The following TRHDE variants were observed in gnomAD, a reference collection of about 807,000 sequenced individuals.
The protein encoded by TRHDE is thyrotropin-releasing hormone-degrading ectoenzyme.
Under a neutral mutation model 125.7 loss-of-function variants are expected in TRHDE, and 72 were observed. The observed-to-expected ratio is 0.57, with a 90% CI of 0.47 to 0.70. TRHDE has a LOEUF of 0.70. Ranked by LOEUF, TRHDE falls within the 30% of genes least tolerant of loss-of-function variation. TRHDE has a pLI of 0.00. For synonymous variants in TRHDE, 509 were observed against 509.1 expected (o/e 1.00, Z 0.00); for missense variants, 1,110 against 1,327.1 (o/e 0.84, Z 2.54).
At chr12:72,168,614 C>T (rs1288254064) in intron 2 of TRHDE, among the ~76,000 whole-genome samples, 2 of 152,196 alleles carry the variant, frequency 1.3e-5, no homozygotes, top group East Asian at 1.9e-4. Flanking sequence ...TAGATTTCTA[C>T]ATTGGATCCT....
At chr12:72,457,946 G>A (rs559135813) in intron 3 of TRHDE, among the ~76,000 whole-genome samples, 3 of 152,260 alleles carry the variant, frequency 2.0e-5, no homozygotes, top group African/African-American at 7.2e-5. Context: ...ATTAAAGAGT[G>A]TCAAAGAGCT....
At chr12:72,412,062 GTCTT>G (rs1873535697) in intron 3 of TRHDE, among the ~76,000 whole-genome samples, 1 of 152,090 alleles carries the variant, frequency 6.6e-6, no homozygotes, top group South Asian at 2.1e-4. Context: ...AGGTAGGAAA[GTCTT>G]TCTTATACAA....
rs561545741 is a variant in TRHDE at position 72,355,918 on chromosome 12, T to G, written c.1189-22077T>G. 7.9e-5 allele frequency among the ~76,000 whole-genome samples: 12 copies of G among 151,900 alleles called. No homozygotes were observed. In the East Asian group the frequency reaches 2.3e-3, roughly 29 times the overall value. On this transcript the variant is annotated intron_variant, in intron 2 of 18. Transcript: ENST00000261180. Reference sequence around the variant, plus strand: ...AGAAAATAACAGATGCTGGTGAAGTTGCAGAGAAAAGGGAATGCTTATACA... The same window carrying G: ...AGAAAATAACAGATGCTGGTGAAGTGGCAGAGAAAAGGGAATGCTTATACA...
chr12:72,524,194 A>C (rs1868295640), intron 6 of TRHDE, among the ~76,000 whole-genome samples: 1 of 152,164 alleles, frequency 6.6e-6, no homozygotes, highest in South Asian at 2.1e-4. Context: ...ATGAAACTTT[A>C]ATCAGCGCAT....
At chr12:72,411,715 GA>G (rs1456223152) in intron 3 of TRHDE, among the ~76,000 whole-genome samples, 4 of 152,086 alleles carry the variant, frequency 2.6e-5, no homozygotes, top group Non-Finnish European at 4.4e-5. Flanking sequence ...AAGATGGGAA[GA>G]ATTGACTTAT....
At chr12:72,129,984 T>C (rs925529518) in intron 2 of TRHDE, among the ~76,000 whole-genome samples, 4 of 152,208 alleles carry the variant, frequency 2.6e-5, no homozygotes, top group African/African-American at 7.2e-5. Flanking sequence ...TGGAGAGATA[T>C]AGTCATTGTT....
intron 3 of TRHDE, among the ~76,000 whole-genome samples, chr12:72,453,331 A>G (rs1253980122): frequency 6.6e-6 from 1 of 152,210 alleles, no homozygotes; most frequent in African/African-American, 2.4e-5. Context: ...GGAAGTTTGA[A>G]CTTGAGAGTG....
chr12:72,547,614 G>A (rs1256460807), intron 7 of TRHDE, among the ~76,000 whole-genome samples: 1 of 151,720 alleles, frequency 6.6e-6, no homozygotes, highest in African/African-American at 2.4e-5. Context: ...CCCCAGGTGG[G>A]CCAATCCTCT....
intron 2 of TRHDE, among the ~76,000 whole-genome samples, chr12:72,187,319 ACAC>A (rs1030124565): frequency 5.5e-5 from 7 of 127,986 alleles, no homozygotes; most frequent in Non-Finnish European, 8.4e-5. Context: ...CAACACACAC[ACAC>A]ACACACACAC....
intron 15 of TRHDE, among the ~76,000 whole-genome samples, chr12:72,642,769 C>T (rs1257812719): frequency 6.6e-6 from 1 of 152,176 alleles, no homozygotes; most frequent in African/African-American, 2.4e-5. Flanking sequence ...GAGGGGCCCT[C>T]TCCTTGTAAT....
At chr12:72,308,655 A>G (rs1868399294) in intron 2 of TRHDE, among the ~76,000 whole-genome samples, 1 of 152,216 alleles carries the variant, frequency 6.6e-6, no homozygotes, top group Admixed American at 6.5e-5. Context: ...TTATTGTGTA[A>G]TAATTTAATG....
chr12:72,199,159 G>A (rs1219179257), intron 2 of TRHDE, among the ~76,000 whole-genome samples: 1 of 152,144 alleles, frequency 6.6e-6, no homozygotes, highest in Admixed American at 6.5e-5. Context: ...CCATAGCAGT[G>A]AGTGTGAGGT....
Position 72,403,205 on chromosome 12 carries a change from G to C in TRHDE, c.1315+25084G>C, listed in dbSNP as rs368920475. On this transcript the variant is annotated intron_variant, in intron 3 of 18. Transcript: ENST00000261180. ...TGATACATAATGTGGCAAGGACCGA[G>C]ATAAAAGCTTGTTTGGTTTGTTGTG... is the stretch of plus-strand genomic sequence containing the variant. Among the ~76,000 whole-genome samples the C allele has an allele frequency of 3.9e-5, 6 of 152,286 alleles. No individual in the cohort carries two copies. The South Asian group carries it at 1.2e-3, about 32-fold the overall frequency.
chr12:72,473,949 A>G (rs1184859057), intron 5 of TRHDE, among the ~76,000 whole-genome samples: 1 of 152,120 alleles, frequency 6.6e-6, no homozygotes, highest in Non-Finnish European at 1.5e-5. Flanking sequence ...ATGTACCAAT[A>G]CTTATCAATT....
At chr12:72,618,292 A>G (rs1458097158) in intron 12 of TRHDE, among the ~76,000 whole-genome samples, 1 of 152,132 alleles carries the variant, frequency 6.6e-6, no homozygotes, top group Admixed American at 6.6e-5. Flanking sequence ...AATAATAGAA[A>G]AAAAGAGTTA....
intron 2 of TRHDE, among the ~76,000 whole-genome samples, chr12:72,120,927 C>T (rs529554706): frequency 6.6e-6 from 1 of 152,064 alleles, no homozygotes; most frequent in Non-Finnish European, 1.5e-5. Flanking sequence ...GTCTGCCCCA[C>T]TCAGCCTCCC....
chr12:72,146,579 T>G (rs1222702038), intron 2 of TRHDE, among the ~76,000 whole-genome samples: 1 of 152,226 alleles, frequency 6.6e-6, no homozygotes, highest in Non-Finnish European at 1.5e-5. Flanking sequence ...AGCGTTTGGT[T>G]GCTCTGCAGC....
intron 6 of TRHDE, among the ~76,000 whole-genome samples, chr12:72,500,706 C>T (rs1415984528): frequency 3.9e-5 from 6 of 151,924 alleles, no homozygotes; most frequent in South Asian, 4.2e-4. Flanking sequence ...ATACTATTCT[C>T]GATACTCTGT....
intron 2 of TRHDE, among the ~76,000 whole-genome samples, chr12:72,352,857 C>A (rs1870644485): frequency 6.6e-6 from 1 of 151,362 alleles, no homozygotes; most frequent in Non-Finnish European, 1.5e-5. Flanking sequence ...ACTGTTTGGG[C>A]AGCCTATTTT....
Sources: allele counts gnomAD v4.1 joint callset (sites outside exome capture counted in the v4.1 genomes callset), GRCh38; gene constraint gnomAD v4.1.1; transcripts MANE v1.5; gene names NCBI Gene and HGNC (gene_info 2026-07-23, HGNC 2026-07-21).